GPC4: variants seen among roughly 807,000 people sequenced by gnomAD.
GPC4 encodes glypican-4.
GPC4 carries 10 observed loss-of-function variants against 35.0 expected under a neutral mutation model. That is an observed-to-expected ratio of 0.29 (90% CI 0.18 to 0.48). GPC4 has a LOEUF of 0.48. Among genes scored for constraint, GPC4 ranks in the 20% least tolerant of loss-of-function variants. The pLI is 0.99. For missense variants in GPC4, 322 were observed against 451.3 expected (o/e 0.71, Z 2.60); for synonymous variants, 167 against 170.2 (o/e 0.98, Z 0.15).
At chrX:133,307,885 A>G in intron 4 of GPC4, among the ~76,000 whole-genome samples, 1 of 112,349 alleles carries the variant, frequency 8.9e-6, no homozygotes, top group Non-Finnish European at 1.9e-5. Flanking sequence ...TGTTTGTGAA[A>G]GACTGAAAGG....
rs769454331 is a variant in GPC4, at chrX:133,306,029, G to C, written c.1003C>G (p.Gln335Glu). The change falls in exon 5 of 9, where the codon CAG becomes GAG. Residue 335 changes from glutamine (Q) to glutamate (E), a missense_variant. Gln to Glu is a conservative substitution (Grantham distance 29). This residue lies in a region of GPC4 where 163 missense variants were observed against 277.2 expected (regional missense o/e 0.59). Transcript: ENST00000370828. ...CAGCATCCTGCCTTCATTACCTTCTGAGACACTTGAACACTATTATCCTGC... is the reference window on the plus strand; with the variant it reads ...CAGCATCCTGCCTTCATTACCTTCTCAGACACTTGAACACTATTATCCTGC... ...NMQDNSVQVS[Q>E]KVFQGCGPPK... is the part of the protein sequence containing the mutation. 2 of 1,211,260 alleles carry C rather than the reference G, an allele frequency of 1.7e-6. No individual in the cohort carries two copies. Among genetic ancestry groups the C allele is most frequent in the Admixed American group, 2.2e-5 (1 of 45,988 alleles).
chrX:133,361,365 A>C (rs2068566893), intron 1 of GPC4, among the ~76,000 whole-genome samples: 1 of 112,195 alleles, frequency 8.9e-6, no homozygotes, highest in Non-Finnish European at 1.9e-5. Context: ...ATATTACTAA[A>C]AATATCAATC....
At chrX:133,358,439 T>A (rs1259262391) in intron 1 of GPC4, among the ~76,000 whole-genome samples, 1 of 112,541 alleles carries the variant, frequency 8.9e-6, no homozygotes, top group East Asian at 2.8e-4. Flanking sequence ...GCCCAGAATA[T>A]GCACTGTGTC....
intron 3 of GPC4, among the ~76,000 whole-genome samples, chrX:133,319,477 A>G (rs986963166): frequency 3.8e-5 from 4 of 105,153 alleles, no homozygotes; most frequent in Non-Finnish European, 7.8e-5. Flanking sequence ...AAAAAGAAAG[A>G]AGGAAAGAAA....
chrX:133,378,299 G>A (rs1185847428), intron 1 of GPC4, among the ~76,000 whole-genome samples: 1 of 111,529 alleles, frequency 9.0e-6, no homozygotes, highest in Non-Finnish European at 1.9e-5. Context: ...CGGGCACGGT[G>A]GTTGATGCCT....
At chrX:133,408,205 C>T (rs752454918) in intron 1 of GPC4, among the ~76,000 whole-genome samples, 78 of 112,380 alleles carry the variant, frequency 6.9e-4, no homozygotes, top group Non-Finnish European at 2.4e-4. Flanking sequence ...CTAGTTTTTA[C>T]CTGTTTGTAT....
chrX:133,350,622 T>C (rs1459538336), intron 1 of GPC4, among the ~76,000 whole-genome samples: 3 of 112,140 alleles, frequency 2.7e-5, no homozygotes, highest in Non-Finnish European at 5.6e-5. Flanking sequence ...TAGGCATCAA[T>C]AAAATGGTGC....
intron 1 of GPC4, among the ~76,000 whole-genome samples, chrX:133,379,502 T>C (rs1309474244): frequency 8.9e-6 from 1 of 111,967 alleles, no homozygotes; most frequent in Non-Finnish European, 1.9e-5. Flanking sequence ...GTCTTAATGG[T>C]TGGATGACAC....
intron 2 of GPC4, among the ~76,000 whole-genome samples, chrX:133,329,631 G>T (rs1041798892): frequency 7.2e-5 from 8 of 110,930 alleles, no homozygotes; most frequent in African/African-American, 2.6e-4. Flanking sequence ...TTAAACAAGA[G>T]AATACCATAC....
At chrX:133,375,793 T>C (rs1333641078) in intron 1 of GPC4, among the ~76,000 whole-genome samples, 1 of 111,937 alleles carries the variant, frequency 8.9e-6, no homozygotes. Flanking sequence ...AAAATGAGTA[T>C]CCAAATTTGA....
At chrX:133,410,698 T>C (rs765432219) in intron 1 of GPC4, among the ~76,000 whole-genome samples, 70 of 112,262 alleles carry the variant, frequency 6.2e-4, no homozygotes, top group Non-Finnish European at 1.1e-3. Context: ...AATCCTGAAA[T>C]TGCATGCAAC....
intron 3 of GPC4, among the ~76,000 whole-genome samples, chrX:133,314,758 C>T (rs745838656): frequency 8.9e-6 from 1 of 111,836 alleles, no homozygotes; most frequent in Admixed American, 9.5e-5. Flanking sequence ...GAAGCAAATC[C>T]GTTTTAGTGG....
rs113093557 is a variant in GPC4, at chrX:133,401,548, T to A, written c.160+13258A>T. 9.3e-3 allele frequency among the ~76,000 whole-genome samples: 1,042 copies of A among 112,124 alleles called. 16 individuals carry two copies. The highest frequency in any genetic ancestry group is 0.032 in the African/African-American group (990 of 30,865). On this transcript the variant is annotated intron_variant, in intron 1 of 8. Coordinates refer to ENST00000370828, the MANE Select transcript of GPC4 (RefSeq NM_001448.3). ...CCAGTCACCTAAATCTTTATTCAGA[T>A]TACAAGAAAATTGATGCAGTCCCTT...
chrX:133,344,017 G>A (rs2068478165), intron 1 of GPC4, among the ~76,000 whole-genome samples: 1 of 108,895 alleles, frequency 9.2e-6, no homozygotes, highest in Non-Finnish European at 1.9e-5. Flanking sequence ...GGCTGCCTCT[G>A]ATGTACAAAT....
At chrX:133,358,946 C>G (rs2068554142) in intron 1 of GPC4, among the ~76,000 whole-genome samples, 1 of 110,893 alleles carries the variant, frequency 9.0e-6, no homozygotes, top group Non-Finnish European at 1.9e-5. Context: ...CTGCCAAGAT[C>G]TACAGCCAAG....
rs370575839 is a variant in GPC4 at position 133,305,894 on chromosome X, T to C, written c.1033A>G (p.Lys345Glu). ...QKVFQGCGPP[K>E]PLPAGRISRS... is the part of the protein sequence containing the mutation. ...GAAATTCGTCCAGCTGGGAGGGGCTTGGGGGGTCCACATCCCTGGAAAACC... is the reference window on the plus strand; with the variant it reads ...GAAATTCGTCCAGCTGGGAGGGGCTCGGGGGGTCCACATCCCTGGAAAACC... The change falls in exon 6 of 9, where the codon AAG becomes GAG. Residue 345 changes from lysine to glutamate, a missense_variant. Lys to Glu is a moderately conservative substitution (Grantham distance 56). Transcript: ENST00000370828. 1 of 1,209,247 alleles carries C rather than the reference T, an allele frequency of 8.3e-7. No individual in the cohort carries two copies. Among genetic ancestry groups the C allele is most frequent in the Non-Finnish European group, 1.1e-6 (1 of 895,130 alleles).
At chrX:133,346,532 G>A (rs2068491788) in intron 1 of GPC4, among the ~76,000 whole-genome samples, 1 of 111,044 alleles carries the variant, frequency 9.0e-6, no homozygotes, top group Non-Finnish European at 1.9e-5. Context: ...GACATGATGA[G>A]GAAATATAAT....
At chrX:133,319,871 A>G (rs2068356465) in intron 3 of GPC4, among the ~76,000 whole-genome samples, 1 of 112,054 alleles carries the variant, frequency 8.9e-6, no homozygotes, top group African/African-American at 3.2e-5. Flanking sequence ...TCCAAAAATT[A>G]ATGTAATAAA....
intron 1 of GPC4, among the ~76,000 whole-genome samples, chrX:133,358,748 C>T (rs961282354): frequency 1.2e-4 from 13 of 110,829 alleles, no homozygotes; most frequent in African/African-American, 3.6e-4. Flanking sequence ...GACCTTAGAG[C>T]GTCTGTCAGT....
Sources: gnomAD v4.1 joint callset for allele counts (sites outside exome capture counted in the v4.1 genomes callset) on GRCh38, gnomAD v4.1.1 for gene constraint, gnomAD v4.1.1 regional missense constraint, MANE v1.5 for transcripts, NCBI Gene and HGNC (gene_info 2026-07-23, HGNC 2026-07-21) for gene names.